Variants in MAP7D2 observed in about 807,000 individuals in gnomAD.
MAP7D2 encodes MAP7 domain-containing protein 2.
Under a neutral mutation model 63.5 loss-of-function variants are expected in MAP7D2, and 33 were observed. The ratio of observed to expected loss-of-function variants is 0.52; its 90% CI spans 0.39 to 0.70. The LOEUF is 0.70. Ranked by LOEUF, MAP7D2 falls within the 30% of genes least tolerant of loss-of-function variation. The pLI, the probability that MAP7D2 is intolerant of heterozygous loss-of-function variation, is 0.00. For synonymous variants in MAP7D2, 224 were observed against 223.7 expected (o/e 1.00, Z -0.01); for missense variants, 626 against 604.0 (o/e 1.04, Z -0.38).
At chrX:20,057,691 C>A (rs2148347628) in intron 3 of MAP7D2, among the ~76,000 whole-genome samples, 1 of 111,975 alleles carries the variant, frequency 8.9e-6, no homozygotes, top group Admixed American at 9.5e-5. Context: ...GTTATAATGA[C>A]ACCCTTTTGC....
At chrX:20,108,237 TTA>T (rs1305730926) in intron 1 of MAP7D2, among the ~76,000 whole-genome samples, 2 of 6,962 alleles carry the variant, frequency 2.9e-4, no homozygotes, top group Admixed American at 3.2e-3. Flanking sequence ...CTTTTTTATT[TTA>T]TTTTTTTTTT....
chrX:20,050,846 G>A lies in MAP7D2; in HGVS notation c.696C>T (p.Leu232=), dbSNP rs2064929234. 1 of 1,193,195 alleles carries A rather than the reference G, an allele frequency of 8.4e-7. No individual in the cohort carries two copies. The highest frequency in any genetic ancestry group is 1.1e-6 in the Non-Finnish European group (1 of 887,172). ...SLARSRASVM[L]SGQANDSVFH... ...TACCTGAATCATTGGCCTGCCCAGA[G>A]AGCATGACTGAAGCTCTGCTTCTGG... Residue 232 remains leucine (L), a synonymous_variant, in exon 6 of 17, where the codon CTC becomes CTT. Transcript: ENST00000379643.
At chrX:20,033,528 T>C (rs1462641184) in intron 8 of MAP7D2, among the ~76,000 whole-genome samples, 1 of 112,040 alleles carries the variant, frequency 8.9e-6, no homozygotes, top group African/African-American at 3.2e-5. Flanking sequence ...TACCCAATGA[T>C]GAAAACAATA....
At chrX:20,069,770 T>C (rs1291652769) in intron 1 of MAP7D2, among the ~76,000 whole-genome samples, 8 of 94,080 alleles carry the variant, frequency 8.5e-5, no homozygotes, top group African/African-American at 3.5e-4. Flanking sequence ...GGGCTCTCTC[T>C]GTAATTTTTT....
chrX:20,036,296 G>A (rs2074228257), intron 8 of MAP7D2, among the ~76,000 whole-genome samples: 1 of 110,120 alleles, frequency 9.1e-6, no homozygotes, highest in East Asian at 2.9e-4. Context: ...GCCTGGGCTG[G>A]AAGTGGCGCG....
intron 1 of MAP7D2, among the ~76,000 whole-genome samples, chrX:20,087,884 T>C (rs920902900): frequency 4.3e-4 from 19 of 44,556 alleles, no homozygotes; most frequent in East Asian, 1.2e-3. Context: ...CTTTTCTTTT[T>C]TTTTTTTTTT....
Position 20,015,288 on chromosome X carries a change from G to T in MAP7D2, c.1684C>A (p.Gln562Lys). ...ATCTGTTCTCTCTCGAGACGCATCT[G>T]TTCAGCTACCTCCCGGGCCTTTGTT... ...AETKAREVAE[Q>K]MRLEREQIML... is the part of the protein sequence containing the mutation. Residue 562 changes from glutamine to lysine, a missense_variant, in exon 12 of 17, where the codon CAG becomes AAG. Physicochemically the swap from Gln to Lys is moderately conservative, Grantham distance 53 (BLOSUM62 1). Transcript: ENST00000379643. 1 of 1,211,084 alleles carries T rather than the reference G, an allele frequency of 8.3e-7. No homozygotes were observed. The highest frequency in any genetic ancestry group is 1.1e-6 in the Non-Finnish European group (1 of 895,067).
chrX:20,073,902 C>T (rs1227532274), intron 1 of MAP7D2, among the ~76,000 whole-genome samples: 3 of 103,926 alleles, frequency 2.9e-5, no homozygotes, highest in African/African-American at 6.9e-5. Flanking sequence ...TTTGAGAGGC[C>T]GAGGCGGGCG....
chrX:20,065,030 G>A (rs778518076), intron 1 of MAP7D2, among the ~76,000 whole-genome samples: 1 of 111,501 alleles, frequency 9.0e-6, no homozygotes, highest in African/African-American at 3.3e-5. Flanking sequence ...CCTGTAGTTG[G>A]GCCAACATCA....
chrX:20,116,282 G>A (rs1289207446), intron 1 of MAP7D2, among the ~76,000 whole-genome samples: 2 of 113,261 alleles, frequency 1.8e-5, no homozygotes, highest in Admixed American at 9.2e-5. Flanking sequence ...CCCTGGAAAC[G>A]CCAAGAGGCG....
At chrX:20,100,304 T>C (rs6633326) in intron 1 of MAP7D2, among the ~76,000 whole-genome samples, 1 of 111,845 alleles carries the variant, frequency 8.9e-6, no homozygotes, top group Non-Finnish European at 1.9e-5. Context: ...CCAGTATAGC[T>C]ACAATTCAAA....
chrX:20,056,285 G>A (rs1342393066), intron 4 of MAP7D2, among the ~76,000 whole-genome samples: 2 of 111,840 alleles, frequency 1.8e-5, no homozygotes, highest in African/African-American at 3.3e-5. Context: ...CCTTTTTGGA[G>A]GATAACTGCC....
chrX:20,047,643 C>T (rs2064833252), intron 6 of MAP7D2, among the ~76,000 whole-genome samples: 1 of 80,628 alleles, frequency 1.2e-5, no homozygotes, highest in Admixed American at 1.3e-4. Flanking sequence ...AAGACCCTAT[C>T]TCTACAAAAA....
intron 8 of MAP7D2, among the ~76,000 whole-genome samples, chrX:20,039,361 G>A (rs774328796): frequency 8.9e-6 from 1 of 112,036 alleles, no homozygotes; most frequent in Admixed American, 9.4e-5. Flanking sequence ...AAGATTTATT[G>A]ATGTCATATC....
At chrX:20,066,585 A>T (rs1466347669) in intron 1 of MAP7D2, among the ~76,000 whole-genome samples, 1 of 111,919 alleles carries the variant, frequency 8.9e-6, no homozygotes, top group Non-Finnish European at 1.9e-5. Context: ...ACGTCATCAA[A>T]AATTTAAAGG....
intron 1 of MAP7D2, among the ~76,000 whole-genome samples, chrX:20,088,999 T>C (rs761608783): frequency 7.2e-5 from 8 of 111,263 alleles, no homozygotes; most frequent in Non-Finnish European, 1.5e-4. Flanking sequence ...GCCAGGCTGG[T>C]CTCGAACTCC....
intron 1 of MAP7D2, among the ~76,000 whole-genome samples, chrX:20,081,430 T>C (rs1232958094): frequency 8.9e-6 from 1 of 112,085 alleles, no homozygotes; most frequent in Non-Finnish European, 1.9e-5. Context: ...AGCTGCACTC[T>C]TGAGTATGAG....
In MAP7D2 at chrX:20,088,398, G is replaced by C. The variant is rs1332106641; in HGVS notation, c.131-23593C>G. ...TCACCTGAAATTCCTGGGCTCAAGG[G>C]ATCCTACTGGCTCAGCCTCCCTGGT... On this transcript the variant is annotated intron_variant, in intron 1 of 16. Transcript: ENST00000379643. Among the ~76,000 whole-genome samples the C allele has an allele frequency of 2.9e-5, 3 of 102,996 alleles. No individual in the cohort carries two copies. The East Asian group carries it at 9.4e-4, about 32-fold the overall frequency. The allele number at this position is 102,996 out of a possible 115,157, so 89.4% of individuals were successfully genotyped here. A position where few individuals can be genotyped will look rare whatever the true frequency, so the allele number is the denominator to read the frequency against.
intron 1 of MAP7D2, among the ~76,000 whole-genome samples, chrX:20,106,383 T>A (rs746809211): frequency 8.9e-6 from 1 of 112,171 alleles, no homozygotes; most frequent in Admixed American, 9.4e-5. Flanking sequence ...CTTTGCCTGA[T>A]ATGGGGGAGC....
Sources: allele counts gnomAD v4.1 joint callset (sites outside exome capture counted in the v4.1 genomes callset), GRCh38; gene constraint gnomAD v4.1.1; transcripts MANE v1.5; gene names NCBI Gene and HGNC (gene_info 2026-07-23, HGNC 2026-07-21).